Variants in ARHGAP10 observed in about 807,000 individuals in gnomAD.
The protein encoded by ARHGAP10 is rho GTPase-activating protein 10.
ARHGAP10 carries 87 observed loss-of-function variants against 108.6 expected under a neutral mutation model. The observed-to-expected ratio is 0.80, with a 90% CI of 0.67 to 0.96. The LOEUF is 0.96. ARHGAP10 is among the 40% of genes least tolerant of loss of function. The pLI is 0.00. For missense variants in ARHGAP10, 939 were observed against 954.5 expected (o/e 0.98, Z 0.21); for synonymous variants, 347 against 341.1 (o/e 1.02, Z -0.19).
In ARHGAP10 at chr4:148,056,067, G is replaced by A. The variant is rs865885406; in HGVS notation, c.2028-7081G>A. On this transcript the variant is annotated intron_variant, in intron 20 of 22. Coordinates refer to ENST00000336498, the MANE Select transcript of ARHGAP10 (RefSeq NM_024605.4). ...ACACTTAGTTGTTTACGTTTTGTCT[G>A]TGGCTGCTTTTTCACTGACAGTGAT... 1.4e-4 allele frequency among the ~76,000 whole-genome samples: 21 copies of A among 152,342 alleles called. No individual in the cohort carries two copies. The Middle Eastern group carries it at 0.01, about 74-fold the overall frequency.
chr4:147,833,500 C>T (rs1733037486), intron 3 of ARHGAP10, among the ~76,000 whole-genome samples: 2 of 152,176 alleles, frequency 1.3e-5, no homozygotes, highest in African/African-American at 4.8e-5. Context: ...CAAGCAGTAA[C>T]TTCATAGCAG....
chr4:147,837,013 G>A lies in ARHGAP10; in HGVS notation c.313-10138G>A, dbSNP rs576213666. On this transcript the variant is annotated intron_variant, in intron 3 of 22. Coordinates refer to ENST00000336498, the MANE Select transcript of ARHGAP10 (RefSeq NM_024605.4). ...TATTTTTCCGTGCTGGAGGGCCCTC[G>A]TAGCGAAATCGATTGTGAAACTTTT... is the stretch of plus-strand genomic sequence containing the variant. Among the ~76,000 whole-genome samples the A allele has an allele frequency of 2.6e-5, 4 of 152,256 alleles. No homozygotes were observed. The South Asian group carries it at 6.2e-4, about 24-fold the overall frequency.
intron 13 of ARHGAP10, among the ~76,000 whole-genome samples, chr4:147,913,783 A>G (rs969996807): frequency 6.6e-6 from 1 of 151,932 alleles, no homozygotes; most frequent in Non-Finnish European, 1.5e-5. Context: ...GTGATGTACA[A>G]CTCATCGTAA....
chr4:147,968,547 A>C (rs1739287414), intron 18 of ARHGAP10, among the ~76,000 whole-genome samples: 1 of 152,214 alleles, frequency 6.6e-6, no homozygotes, highest in African/African-American at 2.4e-5. Context: ...TGTGGACTGT[A>C]GGTTAAGTAT....
chr4:147,813,723 G>A (rs1387204063), intron 1 of ARHGAP10, among the ~76,000 whole-genome samples: 7 of 152,184 alleles, frequency 4.6e-5, no homozygotes, highest in Non-Finnish European at 1.0e-4. Context: ...TGTACTGTGA[G>A]TTTTTTCTCA....
At chr4:148,003,165 G>C (rs1161062565) in intron 18 of ARHGAP10, among the ~76,000 whole-genome samples, 2 of 152,102 alleles carry the variant, frequency 1.3e-5, no homozygotes, top group Admixed American at 1.3e-4. Context: ...CCTTCATTTC[G>C]TTATGTACCC....
At chr4:147,781,140 C>A (rs543022047) in intron 1 of ARHGAP10, among the ~76,000 whole-genome samples, 1 of 152,028 alleles carries the variant, frequency 6.6e-6, no homozygotes, top group African/African-American at 2.4e-5. Context: ...GGGCGGATCA[C>A]GAGGTCAAGA....
chr4:147,913,603 C>G (rs555838277), intron 13 of ARHGAP10, among the ~76,000 whole-genome samples: 1 of 151,972 alleles, frequency 6.6e-6, no homozygotes, highest in Non-Finnish European at 1.5e-5. Flanking sequence ...TTTTACATGT[C>G]GAAGTTTCTT....
At chr4:147,842,575 C>T (rs991486383) in intron 3 of ARHGAP10, among the ~76,000 whole-genome samples, 22 of 152,238 alleles carry the variant, frequency 1.4e-4, no homozygotes, top group Middle Eastern at 3.4e-3. Context: ...TTAGTGACAC[C>T]GAGCTGCTTA....
intron 19 of ARHGAP10, among the ~76,000 whole-genome samples, chr4:148,043,673 TATG>T (rs1180464528): frequency 4.1e-5 from 5 of 121,702 alleles, no homozygotes; most frequent in Admixed American, 3.7e-4. Context: ...TAAATATAGA[TATG>T]TAAGTATATA....
At chr4:147,746,418 T>TTG (rs1211203771) in intron 1 of ARHGAP10, among the ~76,000 whole-genome samples, 8 of 151,292 alleles carry the variant, frequency 5.3e-5, no homozygotes, top group Non-Finnish European at 1.2e-4. Context: ...TTTTTTTTTT[T>TTG]TGAGATGGAG....
At chr4:147,752,199 A>G (rs16998723) in intron 1 of ARHGAP10, among the ~76,000 whole-genome samples, 2,231 of 152,266 alleles carry the variant, frequency 0.015, 28 homozygotes, top group Non-Finnish European at 0.023. Flanking sequence ...TTAGTATTAT[A>G]GAAGAGCATG....
At chr4:148,044,192 G>C (rs531462292) in intron 19 of ARHGAP10, among the ~76,000 whole-genome samples, 2 of 152,256 alleles carry the variant, frequency 1.3e-5, no homozygotes, top group African/African-American at 4.8e-5. Context: ...TTTGTGCTGT[G>C]TCAGTCTGCT....
At chr4:148,054,371 C>T (rs10008133) in intron 20 of ARHGAP10, among the ~76,000 whole-genome samples, 2,386 of 152,336 alleles carry the variant, frequency 0.016, 60 homozygotes, top group African/African-American at 0.055. Flanking sequence ...AACATCTGCC[C>T]CTCTGGGCCG....
intron 8 of ARHGAP10, 52 bp from the exon 9 acceptor site, chr4:147,879,180 C>A: frequency 6.7e-7 from 1 of 1,499,208 alleles, no homozygotes; most frequent in South Asian, 1.2e-5. Flanking sequence ...TATAGCTCTG[C>A]AAATCTGCTT....
At chr4:147,918,449 T>C (rs1349592328) in intron 13 of ARHGAP10, among the ~76,000 whole-genome samples, 5 of 152,210 alleles carry the variant, frequency 3.3e-5, no homozygotes, top group Admixed American at 3.3e-4. Context: ...TTAAGATCTT[T>C]GAATAATGTT....
At chr4:147,911,994 CGTGTGTGTGTGTGTGTGTGTGTGTGT>C (rs36217593) in intron 12 of ARHGAP10, among the ~76,000 whole-genome samples, 1 of 135,432 alleles carries the variant, frequency 7.4e-6, no homozygotes, top group Non-Finnish European at 1.5e-5. Context: ...AGAACATTCA[CGTGTGTGTGTGTGTGTGTGTGTGTGT>C]GTGTGTGTGT....
At chr4:148,008,687 T>C (rs1741046847) in intron 18 of ARHGAP10, among the ~76,000 whole-genome samples, 1 of 152,134 alleles carries the variant, frequency 6.6e-6, no homozygotes, top group South Asian at 2.1e-4. Context: ...AGACGTACTA[T>C]ATCAGCATGT....
In ARHGAP10 at chr4:147,864,939, T is replaced by A; in HGVS notation, c.580T>A (p.Phe194Ile). The change falls in exon 6 of 23, where the codon TTT (phenylalanine) becomes ATT (isoleucine). Residue 194 changes from phenylalanine (F) to isoleucine (I), a missense_variant. Coordinates refer to ENST00000336498, the MANE Select transcript of ARHGAP10 (RefSeq NM_024605.4). Reference protein sequence around the residue: ...KLQEIQERKKFEFVEPMLSFF... With the variant: ...KLQEIQERKKIEFVEPMLSFF... The stretch of plus-strand genomic sequence containing the variant: ...GCAGGAAATCCAAGAAAGAAAGAAG[T>A]TTGAGTTTGTGGAACCTGTGAGTAT... 2 of 1,613,644 alleles carry A rather than the reference T, an allele frequency of 1.2e-6. No homozygotes were observed. Among genetic ancestry groups the A allele is most frequent in the Non-Finnish European group, 1.7e-6 (2 of 1,179,678 alleles).
Sources: gnomAD v4.1 joint callset for allele counts (sites outside exome capture counted in the v4.1 genomes callset) on GRCh38, gnomAD v4.1.1 for gene constraint, MANE v1.5 for transcripts, NCBI Gene and HGNC (gene_info 2026-07-23, HGNC 2026-07-21) for gene names.